The following PPFIA4 variants were observed in gnomAD, a reference collection of about 807,000 sequenced individuals.
The protein encoded by PPFIA4 is liprin-alpha-4.
Under a neutral mutation model 145.7 loss-of-function variants are expected in PPFIA4, and 98 were observed. The ratio of observed to expected loss-of-function variants is 0.67; its 90% CI spans 0.57 to 0.80. PPFIA4 has a LOEUF of 0.80. Among genes scored for constraint, PPFIA4 ranks in the 30% least tolerant of loss-of-function variants. The pLI, the probability that PPFIA4 is intolerant of heterozygous loss-of-function variation, is 0.00. For missense variants in PPFIA4, 1,457 were observed against 1,632.7 expected, an observed-to-expected ratio of 0.89 and a Z score of 1.85; for synonymous variants, 628 against 649.6, an observed-to-expected ratio of 0.97 and a Z score of 0.51.
chr1:203,071,711 G>C lies in PPFIA4; in HGVS notation c.3344G>C (p.Arg1115Thr). ...CTGCAGGCACGCCAAGTGATGGAAA[G>C]AGAGTTCAATAACCTGTTGGCCTTG... ...QNTQARQVMEREFNNLLALGT... is the reference protein window; with the variant it reads ...QNTQARQVMETEFNNLLALGT... The change falls in exon 28 of 30, where the codon AGA (arginine) becomes ACA (threonine). Residue 1115 changes from arginine to threonine, a missense_variant. Around this residue, in one of 3 missense-constraint regions of PPFIA4, gnomAD observed 848 missense variants for 1,046.7 expected, o/e 0.81. Coordinates refer to ENST00000295706, the MANE Select transcript of PPFIA4 (RefSeq NM_001304331.2). The C allele has an allele frequency of 6.2e-7, 1 of 1,612,990 alleles. No individual in the cohort carries two copies. The highest frequency in any genetic ancestry group is 8.5e-7 in the Non-Finnish European group (1 of 1,179,348).
At chr1:203,057,061 A>T in intron 19 of PPFIA4, 111 bp downstream of exon 19, 1 of 1,542,540 alleles carries the variant, frequency 6.5e-7, no homozygotes, top group Non-Finnish European at 8.8e-7. Context: ...AGTTGGGGGA[A>T]GCCCCAGGCA....
intron 1 of PPFIA4, chr1:203,034,536 G>A (rs574116893): frequency 7.2e-5 from 33 of 456,656 alleles, no homozygotes; most frequent in Non-Finnish European, 7.1e-5. Context: ...TTTCTGCAGC[G>A]CCTATGGGAG....
rs1445520769 is a variant in PPFIA4 at position 203,055,982 on chromosome 1, T to G, written c.2071-138T>G. ...TTCTAGGCCAGCTTTTTTTTTTTTT[T>G]CTGGCGTGATATTCTCTCCGGGCCT... On this transcript the variant is annotated intron_variant, in intron 16 of 29. Transcript: ENST00000295706. The surrounding 1 kb of genome is among the most constrained non-coding windows in gnomAD (Gnocchi z 4.8). 1 of 866,500 alleles carries G rather than the reference T, an allele frequency of 1.2e-6. No individual in the cohort carries two copies. The highest frequency in any genetic ancestry group is 2.7e-5 in the East Asian group (1 of 36,938). The allele number at this position is 866,500 out of a possible 1,614,324, so 53.7% of individuals were successfully genotyped here.
chr1:203,054,611 AAG>A (rs766351510), intron 15 of PPFIA4, among the ~76,000 whole-genome samples: 33 of 152,084 alleles, frequency 2.2e-4, no homozygotes, highest in Non-Finnish European at 4.7e-4. Context: ...AGAGCTTTAT[AAG>A]CTGTACAGGA....
intron 13 of PPFIA4, chr1:203,051,390 T>G (rs1660492578): frequency 4.4e-6 from 4 of 904,264 alleles, no homozygotes; most frequent in South Asian, 9.3e-5. Flanking sequence ...TCCCAGTGCC[T>G]GGAGCCCTCC....
chr1:203,036,138 C>T (rs1227111888), intron 1 of PPFIA4, among the ~76,000 whole-genome samples: 1 of 152,212 alleles, frequency 6.6e-6, no homozygotes, highest in South Asian at 2.1e-4. Context: ...GCTTTAAAAA[C>T]TCCACCCACA....
Position 203,068,729 on chromosome 1 carries a change from G to A in PPFIA4, c.3324+101G>A, listed in dbSNP as rs1661914400. On this transcript the variant is annotated intron_variant, in intron 27 of 29. Coordinates refer to ENST00000295706, the MANE Select transcript of PPFIA4 (RefSeq NM_001304331.2). The surrounding 1 kb of genome is among the most constrained non-coding windows in gnomAD (Gnocchi z 4.7). ...CAAAGGCTTAGGTATCTTGGGGGGT[G>A]GGGAGCTTTTCTAGGGCCTATGCCA... is the stretch of plus-strand genomic sequence containing the variant. The A allele has an allele frequency of 7.9e-7, 1 of 1,268,096 alleles. No homozygotes were observed. The highest frequency in any genetic ancestry group is 3.0e-5 in the East Asian group (1 of 33,728). The allele number at this position is 1,268,096 out of a possible 1,614,324, so 78.6% of individuals were successfully genotyped here. A position where few individuals can be genotyped will look rare whatever the true frequency, so the allele number is the denominator to read the frequency against.
chr1:203,060,187 G>C lies in PPFIA4; in HGVS notation c.2584-30G>C. The stretch of plus-strand genomic sequence containing the variant: ...CTCTTGGTGGTAGGGCCCAGGCCTT[G>C]AATTACCTCCCTGTGCCCGGTGTCT... On this transcript the variant is annotated intron_variant, in intron 21 of 29. Transcript: ENST00000295706. This position sits in a 1 kb window ranked among gnomAD's most constrained non-coding sequence, Gnocchi z 4.8. The C allele has an allele frequency of 6.2e-7, 1 of 1,609,788 alleles. No individual in the cohort carries two copies. Among genetic ancestry groups the C allele is most frequent in the Non-Finnish European group, 8.5e-7 (1 of 1,177,924 alleles).
intron 19 of PPFIA4, among the ~76,000 whole-genome samples, chr1:203,058,850 G>C (rs762070892): frequency 2.0e-5 from 3 of 152,118 alleles, no homozygotes; most frequent in Non-Finnish European, 2.9e-5. Flanking sequence ...TTGGGGCTCT[G>C]GGTTTCCTTT....
chr1:203,027,126 C>G (rs1658454834), intron 1 of PPFIA4, among the ~76,000 whole-genome samples: 1 of 152,188 alleles, frequency 6.6e-6, no homozygotes, highest in African/African-American at 2.4e-5. Context: ...ATTCCTCGAA[C>G]TGCCAGCCTC....
Position 203,055,291 on chromosome 1 carries a change from TA to T in PPFIA4, c.1830-139del. ...AGCTAACAAGAAAGAGATGTGTTTCTAAGCTCCAGTGGGACAGACAAAGCCT... is the reference window on the plus strand; with the variant it reads ...AGCTAACAAGAAAGAGATGTGTTTCTAGCTCCAGTGGGACAGACAAAGCCT... On this transcript the variant is annotated intron_variant, in intron 15 of 29. Transcript: ENST00000295706. This position sits in a 1 kb window ranked among gnomAD's most constrained non-coding sequence, Gnocchi z 4.8. 1 of 1,108,356 alleles carries T rather than the reference TA, an allele frequency of 9.0e-7. No individual in the cohort carries two copies. The highest frequency in any genetic ancestry group is 1.3e-6 in the Non-Finnish European group (1 of 759,702). 68.7% of individuals were successfully genotyped at this position (1,108,356 alleles called of 1,614,324 possible).
At chr1:203,040,488 G>A (rs1659622920) in intron 2 of PPFIA4, among the ~76,000 whole-genome samples, 1 of 152,172 alleles carries the variant, frequency 6.6e-6, no homozygotes, top group Non-Finnish European at 1.5e-5. Flanking sequence ...GAAGCAGTTG[G>A]GTGGGCAGGT....
At position 203,043,679 on chromosome 1, in the gene PPFIA4, A is replaced by T. The variant is rs533872367; in HGVS notation, c.336+181A>T. On this transcript the variant is annotated intron_variant, in intron 3 of 29. Coordinates refer to ENST00000295706, the MANE Select transcript of PPFIA4 (RefSeq NM_001304331.2). This position sits in a 1 kb window ranked among gnomAD's most constrained non-coding sequence, Gnocchi z 4.4. ...GGGGTGAGAGTTACATCGTTTAACCACCAGTGCTGGGCTCTCCACCTGTAG... is the reference window on the plus strand; with the variant it reads ...GGGGTGAGAGTTACATCGTTTAACCTCCAGTGCTGGGCTCTCCACCTGTAG... 6.6e-6 allele frequency among the ~76,000 whole-genome samples: 1 copy of T among 152,142 alleles called. No homozygotes were observed. The highest frequency in any genetic ancestry group is 2.1e-4 in the South Asian group (1 of 4,808).
chr1:203,055,293 A>G lies in PPFIA4; in HGVS notation c.1830-139A>G. The stretch of plus-strand genomic sequence containing the variant: ...CTAACAAGAAAGAGATGTGTTTCTA[A>G]GCTCCAGTGGGACAGACAAAGCCTG... On this transcript the variant is annotated intron_variant, in intron 15 of 29. Transcript: ENST00000295706. The surrounding 1 kb of genome is among the most constrained non-coding windows in gnomAD (Gnocchi z 4.8). 9.0e-7 allele frequency: 1 copy of G among 1,114,018 alleles called. No homozygotes were observed. Among genetic ancestry groups the G allele is most frequent in the Admixed American group, 2.2e-5 (1 of 45,916 alleles). The allele number at this position is 1,114,018 out of a possible 1,614,324, so 69.0% of individuals were successfully genotyped here. A position where few individuals can be genotyped will look rare whatever the true frequency, so the allele number is the denominator to read the frequency against.
intron 28 of PPFIA4, among the ~76,000 whole-genome samples, chr1:203,074,941 G>A (rs577449283): frequency 2.0e-5 from 3 of 152,208 alleles, no homozygotes; most frequent in South Asian, 4.1e-4. Context: ...CCTGTTACAG[G>A]GTGATCTCAT....
At chr1:203,045,234 G>A in intron 6 of PPFIA4, 134 bp from the exon 7 acceptor site, 2 of 752,866 alleles carry the variant, frequency 2.7e-6, no homozygotes, top group Non-Finnish European at 4.3e-6. Context: ...TGTAGCCAGA[G>A]GAGTGCTGTG....
rs117314189 is a variant in PPFIA4, at chr1:203,036,972, G to A, written c.-399-1638G>A. Among the ~76,000 whole-genome samples, 55 of 152,332 alleles carry A rather than the reference G, an allele frequency of 3.6e-4. No homozygotes were observed. In the East Asian group the frequency reaches 0.01, roughly 28 times the overall value. On this transcript the variant is annotated intron_variant, in intron 1 of 29. Transcript: ENST00000295706. ...CATGGGAGTGTGTATGTGGCCACAT[G>A]TGTATCTGTTCTAGGTCTCTGTGTT...
chr1:203,029,152 C>T lies in PPFIA4; in HGVS notation c.-400+2523C>T, dbSNP rs577928951. On this transcript the variant is annotated intron_variant, in intron 1 of 29. Transcript: ENST00000295706. The stretch of plus-strand genomic sequence containing the variant: ...GGCTGGTCTGAGCCTGAGACCTCCC[C>T]GTTTGTTGCCTGGCTGCTGGCCCAC... Among the ~76,000 whole-genome samples, 5 of 152,254 alleles carry T rather than the reference C, an allele frequency of 3.3e-5. No individual in the cohort carries two copies. In the South Asian group the frequency reaches 6.2e-4, roughly 19 times the overall value.
At chr1:203,042,204 T>C (rs1659740701) in intron 2 of PPFIA4, among the ~76,000 whole-genome samples, 1 of 152,106 alleles carries the variant, frequency 6.6e-6, no homozygotes. Context: ...AAAACCTCCC[T>C]GGAAGGAGGT....
Sources: gnomAD v4.1 joint callset for allele counts (sites outside exome capture counted in the v4.1 genomes callset) on GRCh38, gnomAD v4.1.1 for gene constraint, gnomAD v4.1.1 regional missense constraint, Gnocchi (gnomAD v3.1) non-coding constraint, MANE v1.5 for transcripts, NCBI Gene and HGNC (gene_info 2026-07-23, HGNC 2026-07-21) for gene names.